Variants in NCKAP5 observed in about 807,000 individuals in gnomAD.
NCKAP5 encodes the protein NCK associated protein 5, also known as nck-associated protein 5.
In NCKAP5, 92 loss-of-function variants were observed where a neutral mutation model predicts 167.0. That is an observed-to-expected ratio of 0.55 (90% CI 0.47 to 0.66). The LOEUF (loss-of-function observed/expected upper bound fraction) is 0.66. Ranked by LOEUF, NCKAP5 falls within the 30% of genes least tolerant of loss-of-function variation. The probability of loss-of-function intolerance (pLI) is 0.00; values close to 1 mark genes in which losing one functional copy is unlikely to be tolerated. For synonymous variants in NCKAP5, 891 were observed against 877.4 expected (o/e 1.02, Z -0.27); for missense variants, 2,378 against 2,315.0 (o/e 1.03, Z -0.56).
intron 19 of NCKAP5, among the ~76,000 whole-genome samples, chr2:132,681,320 T>C (rs985571737): frequency 2.6e-5 from 4 of 151,146 alleles, no homozygotes; most frequent in Non-Finnish European, 4.4e-5. Context: ...TACATACTAC[T>C]CACTTGACTT....
the NCKAP5 span, among the ~76,000 whole-genome samples, chr2:133,612,559 C>A: frequency 6.6e-6 from 1 of 152,134 alleles, no homozygotes; most frequent in Non-Finnish European, 1.5e-5. Context: ...ACAATGCAGA[C>A]ATTGTGACTT....
chr2:133,096,265 T>G (rs1012215281), intron 6 of NCKAP5, among the ~76,000 whole-genome samples: 1 of 152,028 alleles, frequency 6.6e-6, no homozygotes, highest in African/African-American at 2.4e-5. Context: ...CCAAGGCAGG[T>G]GGAACACTTG....
At chr2:133,565,933 C>A (rs1213698526) in intron 1 of NCKAP5, among the ~76,000 whole-genome samples, 2 of 152,162 alleles carry the variant, frequency 1.3e-5, no homozygotes, top group African/African-American at 4.8e-5. Flanking sequence ...TAGCAAGCAG[C>A]CCTTGCTTTC....
chr2:133,604,264 G>A, the NCKAP5 span, among the ~76,000 whole-genome samples: 12 of 152,070 alleles, frequency 7.9e-5, no homozygotes, highest in Non-Finnish European at 1.6e-4. Flanking sequence ...GGTGTACAGT[G>A]GCACAATCTT....
intron 19 of NCKAP5, among the ~76,000 whole-genome samples, chr2:132,679,247 A>T (rs1442507030): frequency 1.3e-5 from 2 of 152,162 alleles, no homozygotes; most frequent in African/African-American, 4.8e-5. Flanking sequence ...AAACTACAGC[A>T]TGAAGGAACA....
chr2:133,328,938 T>G (rs944402477), intron 3 of NCKAP5, among the ~76,000 whole-genome samples: 11 of 152,084 alleles, frequency 7.2e-5, no homozygotes, highest in African/African-American at 2.7e-4. Flanking sequence ...GAACAAAAAA[T>G]ACTCTTTATG....
chr2:133,291,132 G>A (rs564084043), intron 4 of NCKAP5, among the ~76,000 whole-genome samples: 139 of 152,220 alleles, frequency 9.1e-4, no homozygotes, highest in African/African-American at 3.2e-3. Flanking sequence ...CACATCCCCA[G>A]TTTTTGTCTC....
chr2:133,634,809 T>C, the NCKAP5 span, among the ~76,000 whole-genome samples: 1 of 152,154 alleles, frequency 6.6e-6, no homozygotes, highest in African/African-American at 2.4e-5. Flanking sequence ...TTAAAAATTA[T>C]TCATTGTTCA....
chr2:132,740,454 T>TA (rs1226235018), intron 16 of NCKAP5, among the ~76,000 whole-genome samples: 3 of 152,014 alleles, frequency 2.0e-5, no homozygotes, highest in East Asian at 3.9e-4. Context: ...GAAACAAGCT[T>TA]AAAAAAAACT....
chr2:132,851,948 G>A (rs531312212), intron 11 of NCKAP5, among the ~76,000 whole-genome samples: 94 of 152,104 alleles, frequency 6.2e-4, no homozygotes, highest in Non-Finnish European at 1.2e-3. Context: ...TTTTCGTGCC[G>A]GGAATAAGAT....
intron 13 of NCKAP5, among the ~76,000 whole-genome samples, chr2:132,786,109 GTATA>G (rs918383778): frequency 6.6e-6 from 1 of 152,180 alleles, no homozygotes; most frequent in Non-Finnish European, 1.5e-5. Flanking sequence ...TATAGGAAAG[GTATA>G]TATATTTTTT....
chr2:132,727,829 G>C (rs1690610438), intron 18 of NCKAP5, among the ~76,000 whole-genome samples: 1 of 152,164 alleles, frequency 6.6e-6, no homozygotes, highest in Admixed American at 6.5e-5. Context: ...CAGAGGATCT[G>C]CTCCCCTACT....
chr2:132,752,916 G>A (rs1368218562), intron 16 of NCKAP5, among the ~76,000 whole-genome samples: 1 of 152,182 alleles, frequency 6.6e-6, no homozygotes, highest in Non-Finnish European at 1.5e-5. Context: ...CAGTTGAAAG[G>A]TAGTCAGGCA....
intron 3 of NCKAP5, among the ~76,000 whole-genome samples, chr2:133,475,968 A>C (rs1184146861): frequency 6.6e-6 from 1 of 152,236 alleles, no homozygotes; most frequent in East Asian, 1.9e-4. Flanking sequence ...AAAAACAAAA[A>C]GCAGAACAGC....
chr2:132,733,486 G>GGTTC (rs1691221435), intron 16 of NCKAP5, among the ~76,000 whole-genome samples: 1 of 152,136 alleles, frequency 6.6e-6, no homozygotes, highest in African/African-American at 2.4e-5. Context: ...CGAGGTCTAA[G>GGTTC]GTTCCTTTTA....
At chr2:133,511,406 G>C (rs766365119) in intron 3 of NCKAP5, among the ~76,000 whole-genome samples, 1 of 152,128 alleles carries the variant, frequency 6.6e-6, no homozygotes, top group Non-Finnish European at 1.5e-5. Flanking sequence ...AGGTGGGCAG[G>C]GCACCTCTCC....
chr2:133,608,036 T>A, the NCKAP5 span, among the ~76,000 whole-genome samples: 262 of 152,376 alleles, frequency 1.7e-3, 1 homozygote, highest in Middle Eastern at 0.01. Context: ...AAACTTTTTT[T>A]AAAAACCTAT....
intron 3 of NCKAP5, among the ~76,000 whole-genome samples, chr2:133,383,936 C>A (rs1686729560): frequency 1.3e-5 from 2 of 151,942 alleles, no homozygotes; most frequent in Admixed American, 6.6e-5. Context: ...AATTTGAGTT[C>A]TTTGTAGATT....
At chr2:133,089,060 G>A (rs1158818148) in intron 6 of NCKAP5, among the ~76,000 whole-genome samples, 1 of 152,182 alleles carries the variant, frequency 6.6e-6, no homozygotes, top group East Asian at 1.9e-4. Context: ...AGAGATGTGA[G>A]AAAATATGAT....
Sources: gnomAD v4.1 joint callset for allele counts (sites outside exome capture counted in the v4.1 genomes callset) on GRCh38, gnomAD v4.1.1 for gene constraint, MANE v1.5 for transcripts, NCBI Gene and HGNC (gene_info 2026-07-23, HGNC 2026-07-21) for gene names.